NEGR1: variants seen among roughly 807,000 people sequenced by gnomAD.
NEGR1 encodes the protein neuronal growth regulator 1.
A neutral mutation model predicts 40.9 loss-of-function variants in NEGR1; 10 were observed. That is an observed-to-expected ratio of 0.24 (90% CI 0.15 to 0.42). The LOEUF is 0.42. Ranked by LOEUF, NEGR1 falls within the 10% of genes least tolerant of loss-of-function variation. The pLI is 1.00. For synonymous variants in NEGR1, 185 were observed against 166.8 expected, an observed-to-expected ratio of 1.11 and a Z score of -0.84; for missense variants, 352 against 438.9, an observed-to-expected ratio of 0.80 and a Z score of 1.77.
In NEGR1 at chr1:71,701,204, G is replaced by T. The variant is rs372526211; in HGVS notation, c.536-3065C>A. 4.7e-4 allele frequency among the ~76,000 whole-genome samples: 72 copies of T among 152,104 alleles called. 2 individuals carry two copies. The South Asian group carries it at 0.014, about 30-fold the overall frequency. On this transcript the variant is annotated intron_variant, in intron 3 of 6. Transcript: ENST00000357731. The stretch of plus-strand genomic sequence containing the variant: ...ATAGCAACAGTATAAAATTAACACA[G>T]TGTCTCACTGGATTAAAATCAATGT...
chr1:72,189,214 C>T (rs2100425673), intron 1 of NEGR1, among the ~76,000 whole-genome samples: 1 of 151,498 alleles, frequency 6.6e-6, no homozygotes, highest in East Asian at 1.9e-4. Flanking sequence ...GCTATGTACT[C>T]ATTCTTGGAA....
intron 2 of NEGR1, among the ~76,000 whole-genome samples, chr1:71,817,045 T>C (rs561281661): frequency 1.3e-5 from 2 of 152,118 alleles, no homozygotes; most frequent in East Asian, 1.9e-4. Context: ...ACTTGCCAAG[T>C]TTTTAATAGT....
chr1:71,866,198 C>A (rs1660108049), intron 2 of NEGR1, among the ~76,000 whole-genome samples: 1 of 151,966 alleles, frequency 6.6e-6, no homozygotes, highest in South Asian at 2.1e-4. Context: ...TACAAAAAAA[C>A]TACTTGAATA....
intron 2 of NEGR1, among the ~76,000 whole-genome samples, chr1:71,881,602 C>T (rs987022795): frequency 6.6e-6 from 1 of 151,904 alleles, no homozygotes; most frequent in South Asian, 2.1e-4. Context: ...TACATTTGCT[C>T]AATTTGTTTT....
chr1:71,406,583 A>T lies in NEGR1; in HGVS notation c.*863T>A, dbSNP rs922376243. Reference sequence around the variant, plus strand: ...ACATTTAGCTACAACTAAAGAAATCATATGGTATATTTACTATACTGTTAT... The same window carrying T: ...ACATTTAGCTACAACTAAAGAAATCTTATGGTATATTTACTATACTGTTAT... On this transcript the variant is annotated 3_prime_UTR_variant, in exon 7 of 7. Coordinates refer to ENST00000357731, the MANE Select transcript of NEGR1 (RefSeq NM_173808.3). 6.6e-6 allele frequency: 1 copy of T among 152,292 alleles called. No homozygotes were observed. Among genetic ancestry groups the T allele is most frequent in the African/African-American group, 2.4e-5 (1 of 41,460 alleles). 9.4% of individuals were successfully genotyped at this position (152,292 alleles called of 1,614,324 possible).
intron 4 of NEGR1, among the ~76,000 whole-genome samples, chr1:71,658,177 C>T (rs1372594339): frequency 6.6e-6 from 1 of 152,240 alleles, no homozygotes; most frequent in African/African-American, 2.4e-5. Flanking sequence ...GAGTGAGCTC[C>T]TTGGGGCAGG....
At chr1:71,468,951 A>C (rs1646765280) in intron 6 of NEGR1, 3 of 152,064 alleles carry the variant, frequency 2.0e-5, no homozygotes, top group African/African-American at 7.2e-5. Context: ...AAAACTCTCA[A>C]ATTCTTTTCA....
At chr1:71,522,389 C>T (rs1270362123) in intron 6 of NEGR1, among the ~76,000 whole-genome samples, 1 of 151,858 alleles carries the variant, frequency 6.6e-6, no homozygotes, top group Non-Finnish European at 1.5e-5. Context: ...ACTGTCTACT[C>T]AACCAGGTAT....
intron 1 of NEGR1, among the ~76,000 whole-genome samples, chr1:72,165,143 G>A (rs1651722176): frequency 6.6e-6 from 1 of 152,032 alleles, no homozygotes; most frequent in Non-Finnish European, 1.5e-5. Context: ...ATTACAATTA[G>A]TGAAAGAATA....
At chr1:71,502,802 G>A (rs1201820054) in intron 6 of NEGR1, among the ~76,000 whole-genome samples, 2 of 152,212 alleles carry the variant, frequency 1.3e-5, no homozygotes, top group Non-Finnish European at 1.5e-5. Context: ...CATGTTCATA[G>A]GTCGAGTGTG....
At chr1:72,213,593 TA>T (rs1281034172) in intron 1 of NEGR1, among the ~76,000 whole-genome samples, 2 of 151,820 alleles carry the variant, frequency 1.3e-5, no homozygotes, top group East Asian at 3.9e-4. Flanking sequence ...AAAGGGGATA[TA>T]AAAAGTAAAA....
At chr1:71,797,175 A>T (rs1201460231) in intron 2 of NEGR1, among the ~76,000 whole-genome samples, 1 of 152,178 alleles carries the variant, frequency 6.6e-6, no homozygotes, top group Non-Finnish European at 1.5e-5. Context: ...CCATTACCTC[A>T]TTTAGTAATG....
intron 6 of NEGR1, chr1:71,468,660 C>T (rs1646762704): frequency 6.6e-6 from 1 of 151,990 alleles, no homozygotes; most frequent in South Asian, 2.1e-4. Flanking sequence ...ACTACCCTCA[C>T]ATTATGTGGT....
chr1:71,855,496 T>C (rs1221103278), intron 2 of NEGR1, among the ~76,000 whole-genome samples: 1 of 152,064 alleles, frequency 6.6e-6, no homozygotes, highest in Non-Finnish European at 1.5e-5. Context: ...GGAAGTCCTT[T>C]ATAGGACATG....
At chr1:71,776,555 T>A (rs1018413630) in intron 2 of NEGR1, among the ~76,000 whole-genome samples, 27 of 152,194 alleles carry the variant, frequency 1.8e-4, no homozygotes, top group African/African-American at 6.3e-4. Flanking sequence ...TGTTTAAACA[T>A]TGATTAAATA....
At chr1:71,729,641 GT>G (rs1447880514) in intron 3 of NEGR1, among the ~76,000 whole-genome samples, 2 of 151,724 alleles carry the variant, frequency 1.3e-5, no homozygotes, top group Non-Finnish European at 2.9e-5. Context: ...TTTTGTTGTT[GT>G]TTTTGTTGTT....
chr1:72,050,162 A>G (rs1452452987), intron 1 of NEGR1, among the ~76,000 whole-genome samples: 1 of 151,674 alleles, frequency 6.6e-6, no homozygotes, highest in Non-Finnish European at 1.5e-5. Flanking sequence ...TTAAAAATTA[A>G]TTACATATAG....
At chr1:72,031,477 A>T (rs1215012883) in intron 1 of NEGR1, among the ~76,000 whole-genome samples, 1 of 152,170 alleles carries the variant, frequency 6.6e-6, no homozygotes, top group Admixed American at 6.6e-5. Flanking sequence ...CATCGTAATT[A>T]TCTTCTTAAA....
At chr1:72,130,184 A>AT (rs1272334055) in intron 1 of NEGR1, among the ~76,000 whole-genome samples, 1 of 152,186 alleles carries the variant, frequency 6.6e-6, no homozygotes, top group Non-Finnish European at 1.5e-5. Flanking sequence ...GAAAACACAC[A>AT]TAATAGCCTA....
Sources: allele counts gnomAD v4.1 joint callset (sites outside exome capture counted in the v4.1 genomes callset), GRCh38; gene constraint gnomAD v4.1.1; transcripts MANE v1.5; gene names NCBI Gene and HGNC (gene_info 2026-07-23, HGNC 2026-07-21).